The following CFAP20DC variants were observed in gnomAD, a reference collection of about 807,000 sequenced individuals.
The protein encoded by CFAP20DC is CFAP20 domain containing.
In CFAP20DC, 84 loss-of-function variants were observed where a neutral mutation model predicts 101.7. The observed-to-expected ratio is 0.83, with a 90% CI of 0.69 to 0.99. The LOEUF is 0.99. Ranked by LOEUF, CFAP20DC falls within the 50% of genes least tolerant of loss-of-function variation. CFAP20DC has a pLI of 0.00. For missense variants in CFAP20DC, 1,007 were observed against 970.3 expected, an observed-to-expected ratio of 1.04 and a Z score of -0.50; for synonymous variants, 359 against 351.2, an observed-to-expected ratio of 1.02 and a Z score of -0.25.
intron 15 of CFAP20DC, among the ~76,000 whole-genome samples, chr3:58,772,210 G>T (rs898445148): frequency 2.0e-5 from 3 of 152,112 alleles, no homozygotes; most frequent in African/African-American, 7.2e-5. Flanking sequence ...ATTTTTATGT[G>T]TCTCATAGTT....
At chr3:58,779,418 A>G (rs947572014) in intron 15 of CFAP20DC, among the ~76,000 whole-genome samples, 2 of 152,182 alleles carry the variant, frequency 1.3e-5, no homozygotes, top group Admixed American at 1.3e-4. Context: ...GAAGACAAAC[A>G]AGGTCACTGT....
intron 4 of CFAP20DC, among the ~76,000 whole-genome samples, chr3:59,012,975 CTG>C (rs2093618285): frequency 6.6e-6 from 1 of 152,150 alleles, no homozygotes. Flanking sequence ...AAAGTAGACA[CTG>C]TTTTAAAAGA....
At chr3:59,040,631 T>C (rs868363030) in intron 3 of CFAP20DC, among the ~76,000 whole-genome samples, 1 of 152,042 alleles carries the variant, frequency 6.6e-6, no homozygotes, top group East Asian at 1.9e-4. Context: ...CATGCTATTT[T>C]ATATTATTCC....
intron 15 of CFAP20DC, among the ~76,000 whole-genome samples, chr3:58,773,381 T>A (rs910558155): frequency 3.4e-5 from 5 of 145,944 alleles, no homozygotes; most frequent in African/African-American, 1.3e-4. Flanking sequence ...TGAGACCTCA[T>A]CTCTAGCAAA....
chr3:58,842,503 C>T lies in CFAP20DC; in HGVS notation c.1971+6529G>A, dbSNP rs1317945716. 7.2e-5 allele frequency among the ~76,000 whole-genome samples: 11 copies of T among 152,166 alleles called. No homozygotes were observed. In the East Asian group the frequency reaches 1.5e-3, roughly 21 times the overall value. The stretch of plus-strand genomic sequence containing the variant: ...ACGAGACTATATCCCACACCTGGCT[C>T]GGAGGGTCCTACGCCCACGGAATCT... On this transcript the variant is annotated intron_variant, in intron 13 of 16. Transcript: ENST00000482387.
chr3:58,943,044 G>A (rs1183883482), intron 4 of CFAP20DC, among the ~76,000 whole-genome samples: 1 of 152,200 alleles, frequency 6.6e-6, no homozygotes, highest in East Asian at 1.9e-4. Context: ...CTCTGGGCAG[G>A]GCATCTCTGA....
intron 14 of CFAP20DC, among the ~76,000 whole-genome samples, chr3:58,820,775 C>G (rs1469687458): frequency 6.8e-6 from 1 of 146,314 alleles, no homozygotes; most frequent in African/African-American, 2.6e-5. Flanking sequence ...ACTTTCTTCA[C>G]AGAATTGGAA....
intron 4 of CFAP20DC, chr3:59,017,709 A>G (rs1289162645): frequency 6.6e-6 from 1 of 151,994 alleles, no homozygotes; most frequent in Non-Finnish European, 1.5e-5. Flanking sequence ...ATCAGTTAGG[A>G]CTCTTTTATG....
At chr3:58,834,175 A>G (rs151143452) in intron 13 of CFAP20DC, among the ~76,000 whole-genome samples, 1 of 152,296 alleles carries the variant, frequency 6.6e-6, no homozygotes, top group East Asian at 1.9e-4. Flanking sequence ...CCTTACTTTA[A>G]AAGAGTGAAT....
At chr3:58,741,970 G>C (rs1031954660), downstream of CFAP20DC, 5 of 577,522 alleles carry the variant, frequency 8.7e-6, no homozygotes, top group Non-Finnish European at 1.1e-5. Context: ...TTCTGGAAAA[G>C]AAAGTGGGGT....
chr3:58,981,548 T>C (rs932723670), intron 4 of CFAP20DC, among the ~76,000 whole-genome samples: 1 of 152,138 alleles, frequency 6.6e-6, no homozygotes, highest in African/African-American at 2.4e-5. Flanking sequence ...TCAGAAATGA[T>C]GCTGCATGTC....
At chr3:58,817,483 C>T (rs1364352866) in intron 14 of CFAP20DC, among the ~76,000 whole-genome samples, 3 of 146,274 alleles carry the variant, frequency 2.1e-5, no homozygotes, top group African/African-American at 5.1e-5. Context: ...TCGAGAACTA[C>T]GTGAAGAATG....
chr3:58,815,526 AG>A (rs1559634942), intron 14 of CFAP20DC, among the ~76,000 whole-genome samples: 1 of 151,050 alleles, frequency 6.6e-6, no homozygotes. Flanking sequence ...ATTAAACTAA[AG>A]ACCTTCTGCA....
At chr3:58,805,584 A>G (rs1307739386) in intron 15 of CFAP20DC, among the ~76,000 whole-genome samples, 1 of 152,262 alleles carries the variant, frequency 6.6e-6, no homozygotes, top group Non-Finnish European at 1.5e-5. Context: ...AGTACAGGTC[A>G]GATGCGTTTG....
chr3:58,733,825 T>C (rs1280676152), intron 3 of CFAP20DC, among the ~76,000 whole-genome samples: 1 of 152,266 alleles, frequency 6.6e-6, no homozygotes, highest in Non-Finnish European at 1.5e-5. Context: ...TAGTTTTCTT[T>C]ACAACTTATT....
intron 4 of CFAP20DC, among the ~76,000 whole-genome samples, chr3:59,038,057 ATAAG>A (rs1239674425): frequency 6.6e-6 from 1 of 152,150 alleles, no homozygotes; most frequent in Non-Finnish European, 1.5e-5. Flanking sequence ...GTTCTCACTC[ATAAG>A]TAAGAGGTGA....
At chr3:58,961,410 C>T (rs563734228) in intron 4 of CFAP20DC, among the ~76,000 whole-genome samples, 5 of 152,158 alleles carry the variant, frequency 3.3e-5, no homozygotes, top group African/African-American at 1.2e-4. Context: ...AAAAATTAGC[C>T]TGATGTGGTG....
chr3:58,737,364 G>GCAAA (rs1203155768), downstream of CFAP20DC: 116 of 396,036 alleles, frequency 2.9e-4, no homozygotes, highest in East Asian at 6.8e-3. This position sits in a 1 kb window ranked among gnomAD's most constrained non-coding sequence, Gnocchi z 4.1. Context: ...AAGCAAGCAA[G>GCAAA]CAAACAAACA....
At chr3:58,761,130 C>G (rs538778218) in intron 15 of CFAP20DC, among the ~76,000 whole-genome samples, 1 of 152,236 alleles carries the variant, frequency 6.6e-6, no homozygotes, top group South Asian at 2.1e-4. Flanking sequence ...CTCCTTGTAC[C>G]TCTGGTACAA....
Sources: allele counts gnomAD v4.1 joint callset (sites outside exome capture counted in the v4.1 genomes callset), GRCh38; gene constraint gnomAD v4.1.1; non-coding constraint Gnocchi (gnomAD v3.1); transcripts MANE v1.5; gene names NCBI Gene and HGNC (gene_info 2026-07-23, HGNC 2026-07-21).